Variants in TNKS2 observed in about 807,000 individuals in gnomAD.
TNKS2 encodes the protein poly [ADP-ribose] polymerase tankyrase-2.
Under a neutral mutation model 137.6 loss-of-function variants are expected in TNKS2, and 72 were observed. The observed-to-expected ratio is 0.52, with a 90% confidence interval of 0.43 to 0.64. The LOEUF (loss-of-function observed/expected upper bound fraction) is 0.64. Among genes scored for constraint, TNKS2 ranks in the 30% least tolerant of loss-of-function variants. The pLI, the probability that TNKS2 is intolerant of heterozygous loss-of-function variation, is 0.00. For synonymous variants in TNKS2, 516 were observed against 512.1 expected (o/e 1.01, Z -0.10); for missense variants, 1,049 against 1,410.2 (o/e 0.74, Z 4.10).
chr10:91,860,906 A>G (rs1842836023), intron 25 of TNKS2, among the ~76,000 whole-genome samples: 1 of 152,152 alleles, frequency 6.6e-6, no homozygotes, highest in African/African-American at 2.4e-5. Flanking sequence ...TTTATTTGTC[A>G]TATATGGTCT....
chr10:91,834,761 A>C (rs1483209275), intron 12 of TNKS2, among the ~76,000 whole-genome samples: 1 of 152,204 alleles, frequency 6.6e-6, no homozygotes, highest in Non-Finnish European at 1.5e-5. Flanking sequence ...ACTGTTTTGA[A>C]GATCCCCATT....
intron 1 of TNKS2, among the ~76,000 whole-genome samples, chr10:91,803,478 C>CA (rs1308760975): frequency 6.6e-6 from 1 of 152,044 alleles, no homozygotes; most frequent in South Asian, 2.1e-4. Flanking sequence ...CCCATCTCTA[C>CA]AAAAAAATAG....
At position 91,837,013 on chromosome 10, in the gene TNKS2, T is replaced by TC; in HGVS notation, c.1527+15_1527+16insC. On this transcript the variant is annotated intron_variant, in intron 13 of 26. Coordinates refer to ENST00000371627, the MANE Select transcript of TNKS2 (RefSeq NM_025235.4). ...AAACTGTAAAAGTAAGATACAGTGT[T>TC]ACGTTTCTGTTAACTTTGGGTTTTT... 1 of 1,609,588 alleles carries TC rather than the reference T, an allele frequency of 6.2e-7. No homozygotes were observed. The highest frequency in any genetic ancestry group is 8.5e-7 in the Non-Finnish European group (1 of 1,178,152).
chr10:91,845,862 T>A lies in TNKS2; in HGVS notation c.2280T>A (p.Leu760=), dbSNP rs370045797. ...CAGCCCAAAAGGGACGAACACAGCT[T>A]TGTGCTTTGTTGCTAGCCCATGGAG... is the stretch of plus-strand genomic sequence containing the variant. The part of the protein sequence containing the change: ...HEAAQKGRTQ[L]CALLLAHGAD... The change falls in exon 18 of 27, where the codon CTT becomes CTA. Residue 760 remains leucine, a synonymous_variant. Transcript: ENST00000371627. 1.2e-6 allele frequency: 2 copies of A among 1,609,912 alleles called. No individual in the cohort carries two copies. The highest frequency in any genetic ancestry group is 2.7e-5 in the African/African-American group (2 of 75,030).
rs1842931849 is a variant in TNKS2 at position 91,864,536 on chromosome 10, C to T, written c.*1537C>T. ...TTATTCAGTCTGTAAATTAACTGGCCCTTTGCAGTAACTTGTACATAAAGT... is the reference window on the plus strand; with the variant it reads ...TTATTCAGTCTGTAAATTAACTGGCTCTTTGCAGTAACTTGTACATAAAGT... On this transcript the variant is annotated 3_prime_UTR_variant, in exon 27 of 27. Transcript: ENST00000371627. 6.6e-6 allele frequency: 1 copy of T among 152,476 alleles called. No individual in the cohort carries two copies. The highest frequency in any genetic ancestry group is 6.6e-5 in the Admixed American group (1 of 15,254). The allele number at this position is 152,476 out of a possible 1,614,324, so 9.4% of individuals were successfully genotyped here.
intron 1 of TNKS2, among the ~76,000 whole-genome samples, chr10:91,809,641 G>A (rs1844436674): frequency 6.6e-6 from 1 of 151,200 alleles, no homozygotes; most frequent in Non-Finnish European, 1.5e-5. Context: ...AATCCGGCCT[G>A]GGCTAAACAG....
At chr10:91,807,457 A>G in intron 1 of TNKS2, 1 of 1,610,118 alleles carries the variant, frequency 6.2e-7, no homozygotes, top group African/African-American at 1.3e-5. Context: ...TAGAGTGGAA[A>G]AGTAAAGAGA....
chr10:91,842,459 T>C (rs142360809), intron 16 of TNKS2, 68 bp downstream of exon 16: 25 of 1,448,292 alleles, frequency 1.7e-5, no homozygotes, highest in Non-Finnish European at 2.4e-5. Flanking sequence ...AGGTAAAATA[T>C]TTTCTGTAAC....
chr10:91,818,948 C>A (rs1417730), intron 3 of TNKS2, among the ~76,000 whole-genome samples: 1 of 151,970 alleles, frequency 6.6e-6, no homozygotes, highest in South Asian at 2.1e-4. Flanking sequence ...AACCTATGAC[C>A]CAAGATAAAC....
chr10:91,825,691 G>A (rs1845044522), intron 7 of TNKS2, among the ~76,000 whole-genome samples: 1 of 152,256 alleles, frequency 6.6e-6, no homozygotes, highest in Admixed American at 6.5e-5. Context: ...GTTGAATGCT[G>A]TAGAAGGAAA....
At chr10:91,833,561 A>G (rs1000473714) in intron 11 of TNKS2, among the ~76,000 whole-genome samples, 2 of 152,170 alleles carry the variant, frequency 1.3e-5, no homozygotes, top group African/African-American at 2.4e-5. Flanking sequence ...AGATGAGTTC[A>G]ACTTTCTTAG....
chr10:91,805,176 A>T (rs1844286004), intron 1 of TNKS2, among the ~76,000 whole-genome samples: 1 of 151,600 alleles, frequency 6.6e-6, no homozygotes, highest in Non-Finnish European at 1.5e-5. Context: ...AGTGCCCAAG[A>T]TGTGGCTTCA....
chr10:91,807,972 G>C (rs963933241), intron 1 of TNKS2, among the ~76,000 whole-genome samples: 3 of 147,662 alleles, frequency 2.0e-5, no homozygotes, highest in African/African-American at 7.5e-5. Flanking sequence ...CTTCAGCCTG[G>C]GGGACAGAGC....
intron 13 of TNKS2, among the ~76,000 whole-genome samples, chr10:91,839,178 A>G (rs966508665): frequency 6.6e-6 from 1 of 151,762 alleles, no homozygotes. Flanking sequence ...AGATAGATAT[A>G]TTCTTTTGAC....
chr10:91,859,750 G>T, intron 25 of TNKS2, 102 bp downstream of exon 25: 2 of 889,410 alleles, frequency 2.2e-6, no homozygotes, highest in Non-Finnish European at 3.4e-6. Context: ...AGGAATGCAA[G>T]CTAGGCATGT....
chr10:91,834,720 C>G (rs1841942534), intron 12 of TNKS2, among the ~76,000 whole-genome samples: 1 of 152,196 alleles, frequency 6.6e-6, no homozygotes, highest in Non-Finnish European at 1.5e-5. Flanking sequence ...ATACAACCTC[C>G]TGGAATCTAC....
chr10:91,835,406 C>T (rs956549192), intron 12 of TNKS2, among the ~76,000 whole-genome samples: 15 of 151,044 alleles, frequency 9.9e-5, no homozygotes, highest in Non-Finnish European at 1.8e-4. Context: ...TCTCCTGCCT[C>T]AGCCTCCCAA....
At chr10:91,804,083 T>G (rs887596621) in intron 1 of TNKS2, among the ~76,000 whole-genome samples, 3 of 152,172 alleles carry the variant, frequency 2.0e-5, no homozygotes, top group Admixed American at 6.5e-5. Context: ...TAGCAAGCAG[T>G]ACCTGGAGTT....
chr10:91,843,782 A>C (rs540785501), intron 16 of TNKS2, among the ~76,000 whole-genome samples: 2 of 152,184 alleles, frequency 1.3e-5, no homozygotes, highest in African/African-American at 4.8e-5. Context: ...AAAATAATGC[A>C]AAATTTCTGC....
Sources: gnomAD v4.1 joint callset for allele counts (sites outside exome capture counted in the v4.1 genomes callset) on GRCh38, gnomAD v4.1.1 for gene constraint, MANE v1.5 for transcripts, NCBI Gene and HGNC (gene_info 2026-07-23, HGNC 2026-07-21) for gene names.